CRTC1: variants seen among roughly 807,000 people sequenced by gnomAD.
CRTC1 encodes CREB regulated transcription coactivator 1, also known as CREB-regulated transcription coactivator 1.
A neutral mutation model predicts 66.1 loss-of-function variants in CRTC1; 18 were observed. The observed-to-expected ratio is 0.27, with a 90% confidence interval of 0.19 to 0.40. The LOEUF is 0.40. CRTC1 is among the 10% of genes least tolerant of loss of function. The pLI, the probability that CRTC1 is intolerant of heterozygous loss-of-function variation, is 1.00. For missense variants in CRTC1, 669 were observed against 887.9 expected, an observed-to-expected ratio of 0.75 and a Z score of 3.13; for synonymous variants, 416 against 398.8, an observed-to-expected ratio of 1.04 and a Z score of -0.51.
chr19:18,744,740 C>T (rs956208009), intron 2 of CRTC1, among the ~76,000 whole-genome samples: 4 of 152,138 alleles, frequency 2.6e-5, no homozygotes, highest in Non-Finnish European at 5.9e-5. Context: ...CCACGTCTCC[C>T]ATGCCCACAG....
chr19:18,714,549 G>T (rs2053464259), intron 1 of CRTC1, among the ~76,000 whole-genome samples: 3 of 152,058 alleles, frequency 2.0e-5, no homozygotes. Flanking sequence ...CTCGTGATCC[G>T]CCTGCTTTGG....
chr19:18,694,274 C>T (rs1311446548), intron 1 of CRTC1, among the ~76,000 whole-genome samples: 1 of 143,900 alleles, frequency 6.9e-6, no homozygotes, highest in Non-Finnish European at 1.5e-5. Context: ...TCACTCCAGC[C>T]TGGCCGACAG....
intron 4 of CRTC1, 123 bp downstream of exon 4, chr19:18,747,237 C>T: frequency 1.5e-6 from 1 of 685,142 alleles, no homozygotes; most frequent in South Asian, 1.9e-5. Context: ...TAAGATGCAT[C>T]CAGAAGTTTC....
intron 1 of CRTC1, among the ~76,000 whole-genome samples, chr19:18,708,136 G>A (rs549947785): frequency 2.0e-5 from 3 of 152,174 alleles, no homozygotes; most frequent in Admixed American, 6.5e-5. Flanking sequence ...TTTGGGTGGA[G>A]GAGAAACAGC....
chr19:18,702,346 A>C (rs2053163990), intron 1 of CRTC1, among the ~76,000 whole-genome samples: 1 of 151,610 alleles, frequency 6.6e-6, no homozygotes, highest in African/African-American at 2.4e-5. Context: ...CAGCCGCCTG[A>C]GTAGCTGAGA....
At chr19:18,694,944 C>T (rs1056095855) in intron 1 of CRTC1, among the ~76,000 whole-genome samples, 25 of 151,434 alleles carry the variant, frequency 1.7e-4, no homozygotes, top group African/African-American at 5.1e-4. Flanking sequence ...GATCTTGGCT[C>T]ACTGCAACCT....
At chr19:18,700,170 C>G (rs918957482) in intron 1 of CRTC1, among the ~76,000 whole-genome samples, 43 of 152,314 alleles carry the variant, frequency 2.8e-4, no homozygotes, top group African/African-American at 8.4e-4. Context: ...TCCCCCTTCT[C>G]TGTACTTGGG....
chr19:18,696,448 T>G (rs1040353142), intron 1 of CRTC1, among the ~76,000 whole-genome samples: 1 of 152,166 alleles, frequency 6.6e-6, no homozygotes, highest in African/African-American at 2.4e-5. Context: ...CATGTATTTG[T>G]GCACAGTGGA....
At chr19:18,691,090 GT>G (rs1436775090) in intron 1 of CRTC1, among the ~76,000 whole-genome samples, 1 of 150,582 alleles carries the variant, frequency 6.6e-6, no homozygotes, top group Non-Finnish European at 1.5e-5. Context: ...TAATCCCAGA[GT>G]TTTCAGAGGC....
intron 8 of CRTC1, among the ~76,000 whole-genome samples, chr19:18,762,184 C>A (rs1370531847): frequency 6.6e-6 from 1 of 152,250 alleles, no homozygotes; most frequent in African/African-American, 2.4e-5. Flanking sequence ...CCCCTTCCCG[C>A]TGGAGGGTCC....
At chr19:18,773,057 C>A (rs886817352) in intron 11 of CRTC1, among the ~76,000 whole-genome samples, 1 of 152,144 alleles carries the variant, frequency 6.6e-6, no homozygotes, top group African/African-American at 2.4e-5. Flanking sequence ...CAAGCCAAAG[C>A]GGGTTAGTCT....
At chr19:18,776,871 C>T (rs942215694) in intron 13 of CRTC1, among the ~76,000 whole-genome samples, 2 of 152,196 alleles carry the variant, frequency 1.3e-5, no homozygotes. Flanking sequence ...CTGCCCTCGC[C>T]AGGTCATGCT....
chr19:18,709,797 G>A (rs559932084), intron 1 of CRTC1, among the ~76,000 whole-genome samples: 15 of 152,286 alleles, frequency 9.8e-5, no homozygotes, highest in African/African-American at 2.2e-4. Context: ...GGCTGAGGCC[G>A]GGGACAGCTG....
chr19:18,723,182 C>G (rs937379823), intron 1 of CRTC1, among the ~76,000 whole-genome samples: 3 of 152,148 alleles, frequency 2.0e-5, no homozygotes, highest in Admixed American at 2.0e-4. Flanking sequence ...CTCAAGTGAT[C>G]CACCTGCCAC....
At chr19:18,718,614 A>C (rs764156849) in intron 1 of CRTC1, among the ~76,000 whole-genome samples, 1 of 151,368 alleles carries the variant, frequency 6.6e-6, no homozygotes, top group Admixed American at 6.6e-5. Context: ...AAGTGCTGGG[A>C]TTACAAGTGT....
intron 1 of CRTC1, among the ~76,000 whole-genome samples, chr19:18,689,881 A>G (rs966589787): frequency 6.6e-6 from 1 of 151,384 alleles, no homozygotes; most frequent in Non-Finnish European, 1.5e-5. Flanking sequence ...TCCTCTGGTA[A>G]CTCTCCATTT....
intron 1 of CRTC1, among the ~76,000 whole-genome samples, chr19:18,693,885 G>GT (rs1167126387): frequency 6.6e-6 from 1 of 151,992 alleles, no homozygotes; most frequent in Non-Finnish European, 1.5e-5. Context: ...TGTCATCCCA[G>GT]AGCTTTGGGA....
rs779232420 is a variant in CRTC1, at chr19:18,768,452, G to A, written c.1012-33G>A. The A allele has an allele frequency of 3.8e-6, 6 of 1,593,654 alleles. No individual in the cohort carries two copies. The South Asian group carries it at 6.7e-5, about 18-fold the overall frequency. ...AGGGGGCCAGGCGCTGACAACCAGGGCCCGCCCTGCCTGACGCTCTCCTCT... is the reference window on the plus strand; with the variant it reads ...AGGGGGCCAGGCGCTGACAACCAGGACCCGCCCTGCCTGACGCTCTCCTCT... On this transcript the variant is annotated intron_variant, in intron 9 of 13. Transcript: ENST00000321949. The surrounding 1 kb of genome is among the most constrained non-coding windows in gnomAD (Gnocchi z 5.6).
chr19:18,759,453 T>G, intron 6 of CRTC1, 98 bp from the exon 7 acceptor site: 1 of 1,276,002 alleles, frequency 7.8e-7, no homozygotes, highest in Non-Finnish European at 1.1e-6. Context: ...TCTCTGGGCT[T>G]TGTGGGAAGA....
Sources: allele counts gnomAD v4.1 joint callset (sites outside exome capture counted in the v4.1 genomes callset), GRCh38; gene constraint gnomAD v4.1.1; non-coding constraint Gnocchi (gnomAD v3.1); transcripts MANE v1.5; gene names NCBI Gene and HGNC (gene_info 2026-07-23, HGNC 2026-07-21).